NDE1: variants seen among roughly 807,000 people sequenced by gnomAD.
The protein encoded by NDE1 is nudE neurodevelopment protein 1.
Under a neutral mutation model 43.4 loss-of-function variants are expected in NDE1, and 28 were observed. The ratio of observed to expected loss-of-function variants is 0.65; its 90% CI spans 0.48 to 0.89. NDE1 has a LOEUF of 0.89. Ranked by LOEUF, NDE1 falls within the 40% of genes least tolerant of loss-of-function variation. NDE1 has a pLI of 0.00. For synonymous variants in NDE1, 184 were observed against 172.0 expected (o/e 1.07, Z -0.55); for missense variants, 441 against 434.1 (o/e 1.02, Z -0.14).
Position 15,724,779 on chromosome 16 carries a change from G to T in NDE1, c.*528G>T. 6.2e-7 allele frequency: 1 copy of T among 1,614,008 alleles called. No homozygotes were observed. The highest frequency in any genetic ancestry group is 8.5e-7 in the Non-Finnish European group (1 of 1,180,032). On this transcript the variant is annotated 3_prime_UTR_variant, in exon 9 of 9. Transcript: ENST00000396354. The stretch of plus-strand genomic sequence containing the variant: ...TCGTAGACACGTTGAGCTTCTGCCG[G>T]GTTTCTTCTTGAAGCAGCTCCTGCA...
intron 1 of NDE1, among the ~76,000 whole-genome samples, chr16:15,659,337 G>A (rs2036926312): frequency 1.3e-5 from 2 of 149,142 alleles, no homozygotes; most frequent in African/African-American, 4.9e-5. Flanking sequence ...ATCTTAGAAA[G>A]TGATGGTTTT....
At chr16:15,651,303 T>C (rs1206177802) in intron 1 of NDE1, among the ~76,000 whole-genome samples, 1 of 152,180 alleles carries the variant, frequency 6.6e-6, no homozygotes, top group Non-Finnish European at 1.5e-5. Flanking sequence ...TTATAGTGTA[T>C]TCTAGCATAG....
chr16:15,676,564 T>C (rs1013580940), intron 3 of NDE1, among the ~76,000 whole-genome samples: 3 of 152,150 alleles, frequency 2.0e-5, no homozygotes, highest in African/African-American at 7.2e-5. Context: ...TTTTTCTCCA[T>C]GTCACAACGG....
rs779639232 is a variant in NDE1 at position 15,719,298 on chromosome 16, G to A, written c.948-4893G>A. 12 of 1,611,520 alleles carry A rather than the reference G, an allele frequency of 7.4e-6. No individual in the cohort carries two copies. The East Asian group carries it at 2.7e-4, about 36-fold the overall frequency. On this transcript the variant is annotated intron_variant, in intron 8 of 8. Coordinates refer to ENST00000396354, the MANE Select transcript of NDE1 (RefSeq NM_017668.3). ...CGCTTGTTTGCGAGCCCTCTCAGCG[G>A]CGGCGAGGTCCTAGGTGGGAGGGAG...
Position 15,721,609 on chromosome 16 carries a change from G to A in NDE1, c.948-2582G>A, listed in dbSNP as rs1358518980. 1.9e-6 allele frequency: 3 copies of A among 1,614,068 alleles called. No individual in the cohort carries two copies. The African/African-American group carries it at 4.0e-5, about 22-fold the overall frequency. On this transcript the variant is annotated intron_variant, in intron 8 of 8. Coordinates refer to ENST00000396354, the MANE Select transcript of NDE1 (RefSeq NM_017668.3). ...GTCCCTCTCATCCGCGTATTTGGAA[G>A]AGATGTTTTTCTCCTCGGCTAACAA...
intron 1 of NDE1, among the ~76,000 whole-genome samples, chr16:15,657,453 T>C (rs2036828285): frequency 6.6e-6 from 1 of 152,154 alleles, no homozygotes; most frequent in African/African-American, 2.4e-5. Flanking sequence ...GGCCCTGGGC[T>C]ATTGTTGCTA....
chr16:15,708,154 G>A (rs1045655315), intron 8 of NDE1, among the ~76,000 whole-genome samples: 6 of 151,966 alleles, frequency 3.9e-5, no homozygotes, highest in African/African-American at 7.3e-5. Flanking sequence ...CTTCCACCCC[G>A]TGTGCTGAAA....
At chr16:15,718,475 T>G in intron 8 of NDE1, 1 of 1,536,066 alleles carries the variant, frequency 6.5e-7, no homozygotes, top group South Asian at 1.2e-5. Flanking sequence ...GCCTCTACCC[T>G]CCCCCGCCTT....
intron 6 of NDE1, 39 bp from the exon 7 acceptor site, chr16:15,694,126 A>T: frequency 6.2e-7 from 1 of 1,609,174 alleles, no homozygotes; most frequent in Non-Finnish European, 8.5e-7. Context: ...ACATGACTAT[A>T]GGTTGGTGAG....
At chr16:15,718,079 C>T (rs2040262195) in intron 8 of NDE1, 1 of 637,156 alleles carries the variant, frequency 1.6e-6, no homozygotes. Context: ...TACGGGGAGC[C>T]AGCCACGCCG....
intron 8 of NDE1, among the ~76,000 whole-genome samples, chr16:15,708,607 G>C (rs1243582397): frequency 6.6e-6 from 1 of 152,242 alleles, no homozygotes; most frequent in Non-Finnish European, 1.5e-5. Context: ...AGTGGGTCAA[G>C]AGATGAGGTC....
intron 8 of NDE1, chr16:15,700,054 C>A (rs1313716485): frequency 3.4e-6 from 4 of 1,173,668 alleles, no homozygotes; most frequent in Non-Finnish European, 4.3e-6. Flanking sequence ...CAAAGAGGGA[C>A]AAAAGGGGCT....
At chr16:15,691,084 A>G (rs1596621967) in intron 5 of NDE1, 60 bp from the exon 6 acceptor site, 1 of 1,608,596 alleles carries the variant, frequency 6.2e-7, no homozygotes, top group East Asian at 2.2e-5. Flanking sequence ...CTGGCATTAT[A>G]AACATGAGCC....
chr16:15,707,098 G>A (rs550915949), intron 8 of NDE1, among the ~76,000 whole-genome samples: 93 of 152,190 alleles, frequency 6.1e-4, no homozygotes, highest in Admixed American at 2.0e-3. Flanking sequence ...GAGTGCAGTG[G>A]CGTGATCTTG....
At chr16:15,650,226 C>T (rs1487721169), upstream of NDE1, 3 of 217,906 alleles carry the variant, frequency 1.4e-5, no homozygotes, top group South Asian at 1.1e-4. Context: ...TCCGGAGGGC[C>T]GGGGCCGCAC....
In NDE1 at chr16:15,681,320, C is replaced by A. The variant is rs1208876907; in HGVS notation, c.386+3371C>A. Among the ~76,000 whole-genome samples the A allele has an allele frequency of 6.2e-5, 7 of 113,118 alleles. No individual in the cohort carries two copies. The Admixed American group carries it at 8.2e-4, about 13-fold the overall frequency. 74.2% of individuals were successfully genotyped at this position (113,118 alleles called of 152,430 possible). On this transcript the variant is annotated intron_variant, in intron 4 of 8. Coordinates refer to ENST00000396354, the MANE Select transcript of NDE1 (RefSeq NM_017668.3). Reference sequence around the variant, plus strand: ...TCGCTCCATTGCCCAGAGTAGAGTGCCATGGTGCAATTACAGCTCACTGGA... The same window carrying A: ...TCGCTCCATTGCCCAGAGTAGAGTGACATGGTGCAATTACAGCTCACTGGA...
rs1194565114 is a variant in NDE1, at chr16:15,688,689, C to CTTTTTTTTTTTTTTTTTTTT, written c.523+1186_523+1205dup. On this transcript the variant is annotated intron_variant, in intron 5 of 8. Coordinates refer to ENST00000396354, the MANE Select transcript of NDE1 (RefSeq NM_017668.3). Reference sequence around the variant, plus strand: ...AGTGGATTGTCCAAGTTGTTTTTACCTTTTTTTTTTTTTTTTTTTTTTTTT... The same window carrying CTTTTTTTTTTTTTTTTTTTT: ...AGTGGATTGTCCAAGTTGTTTTTACCTTTTTTTTTTTTTTTTTTTTTTTTTTTTTTTTTTTTTTTTTTTTT... Among the ~76,000 whole-genome samples, 9 of 59,990 alleles carry CTTTTTTTTTTTTTTTTTTTT rather than the reference C, an allele frequency of 1.5e-4. 3 individuals carry two copies. The highest frequency in any genetic ancestry group is 5.2e-4 in the East Asian group (1 of 1,934). The allele number at this position is 59,990 out of a possible 152,430, so 39.4% of individuals were successfully genotyped here.
chr16:15,655,173 A>T (rs1420623249), intron 1 of NDE1, among the ~76,000 whole-genome samples: 1 of 152,052 alleles, frequency 6.6e-6, no homozygotes, highest in African/African-American at 2.4e-5. Context: ...GCGCTCTACC[A>T]CACCTGGCTA....
intron 1 of NDE1, among the ~76,000 whole-genome samples, chr16:15,650,906 G>A (rs1336321415): frequency 6.6e-6 from 1 of 152,180 alleles, no homozygotes; most frequent in South Asian, 2.1e-4. Flanking sequence ...ACACGTTTGG[G>A]GCAGTCTGCT....
Sources: gnomAD v4.1 joint callset for allele counts (sites outside exome capture counted in the v4.1 genomes callset) on GRCh38, gnomAD v4.1.1 for gene constraint, MANE v1.5 for transcripts, NCBI Gene and HGNC (gene_info 2026-07-23, HGNC 2026-07-21) for gene names.